PTPRA: variants seen among roughly 807,000 people sequenced by gnomAD.
The protein encoded by PTPRA is protein tyrosine phosphatase receptor type A.
A neutral mutation model predicts 104.8 loss-of-function variants in PTPRA; 25 were observed. The ratio of observed to expected loss-of-function variants is 0.24; its 90% CI spans 0.17 to 0.33. The LOEUF (loss-of-function observed/expected upper bound fraction) is 0.33. PTPRA is among the 10% of genes least tolerant of loss of function. PTPRA has a pLI of 1.00. For synonymous variants in PTPRA, 323 were observed against 368.9 expected (o/e 0.88, Z 1.43); for missense variants, 765 against 1,015.3 (o/e 0.75, Z 3.35).
chr20:2,888,069 C>T lies in PTPRA; in HGVS notation c.-129+14309C>T, dbSNP rs553063397. On this transcript the variant is annotated intron_variant, in intron 1 of 23. Transcript: ENST00000399903. The stretch of plus-strand genomic sequence containing the variant: ...AATGGTCCCTCAAAGCCCTCAAACA[C>T]GGATGAGAAATAGAAGAAGCTCAGG... 5.9e-5 allele frequency among the ~76,000 whole-genome samples: 9 copies of T among 152,278 alleles called. No individual in the cohort carries two copies. The South Asian group carries it at 6.2e-4, about 11-fold the overall frequency.
intron 3 of PTPRA, among the ~76,000 whole-genome samples, chr20:2,961,305 A>C (rs2061747021): frequency 1.3e-5 from 2 of 152,320 alleles, no homozygotes; most frequent in African/African-American, 4.8e-5. Context: ...GTATTGTCAA[A>C]TGTTTTGGAT....
intron 1 of PTPRA, among the ~76,000 whole-genome samples, chr20:2,874,541 A>G (rs979043781): frequency 1.3e-5 from 2 of 152,094 alleles, no homozygotes. Context: ...TGCTCAGGAG[A>G]GGGATTCCGG....
At chr20:2,866,447 C>T in the PTPRA span, 2 of 1,614,040 alleles carry the variant, frequency 1.2e-6, no homozygotes, top group African/African-American at 2.7e-5. Context: ...GCTCAGGCTG[C>T]AGATGTGGCC....
At chr20:2,872,012 A>G (rs865845539), upstream of PTPRA, among the ~76,000 whole-genome samples, 2 of 152,240 alleles carry the variant, frequency 1.3e-5, no homozygotes, top group South Asian at 4.1e-4. This position sits in a 1 kb window ranked among gnomAD's most constrained non-coding sequence, Gnocchi z 7.9. Context: ...TCTGGTTAGC[A>G]TGGACTAACT....
At chr20:2,930,251 A>G (rs748403224) in intron 2 of PTPRA, among the ~76,000 whole-genome samples, 13 of 152,332 alleles carry the variant, frequency 8.5e-5, no homozygotes, top group African/African-American at 1.9e-4. Flanking sequence ...ATGGATGGGA[A>G]GCATCGAGAC....
intron 12 of PTPRA, among the ~76,000 whole-genome samples, chr20:3,016,972 G>A (rs1158732454): frequency 6.6e-6 from 1 of 152,028 alleles, no homozygotes; most frequent in Admixed American, 6.6e-5. Flanking sequence ...TTGGGGTTAA[G>A]GTATTTATTA....
intron 1 of PTPRA, among the ~76,000 whole-genome samples, chr20:2,909,815 GATAAT>G (rs1369090852): frequency 2.9e-4 from 34 of 115,410 alleles, no homozygotes; most frequent in Non-Finnish European, 4.0e-4. Flanking sequence ...TATAATATAA[GATAAT>G]ATATATTAGA....
chr20:2,983,568 C>CAAAAAAA (rs58694839), intron 6 of PTPRA, among the ~76,000 whole-genome samples: 1 of 93,416 alleles, frequency 1.1e-5, no homozygotes, highest in Non-Finnish European at 2.2e-5. Context: ...AAAAAAAATG[C>CAAAAAAA]AAAAAAAAAA....
chr20:3,032,902 T>C (rs1351073959), intron 20 of PTPRA, among the ~76,000 whole-genome samples: 7 of 150,112 alleles, frequency 4.7e-5, no homozygotes, highest in South Asian at 2.1e-4. Flanking sequence ...AGGTCATTTC[T>C]CTTTTCTGAT....
At chr20:2,976,854 C>T (rs2062453405) in intron 6 of PTPRA, among the ~76,000 whole-genome samples, 1 of 152,142 alleles carries the variant, frequency 6.6e-6, no homozygotes, top group African/African-American at 2.4e-5. Flanking sequence ...ATGCACTGGT[C>T]TTTGGGGTGC....
At position 3,038,140 on chromosome 20, in the gene PTPRA, A is replaced by C; in HGVS notation, c.*7A>C. On this transcript the variant is annotated 3_prime_UTR_variant, in exon 24 of 24. Transcript: ENST00000399903. ...TTATGCCAACTTCAAGTAAGCGGCAACAAGGGTCCGTGGACCAGGAGGATT... is the reference window on the plus strand; with the variant it reads ...TTATGCCAACTTCAAGTAAGCGGCACCAAGGGTCCGTGGACCAGGAGGATT... 6.2e-7 allele frequency: 1 copy of C among 1,603,416 alleles called. No individual in the cohort carries two copies. Among genetic ancestry groups the C allele is most frequent in the Non-Finnish European group, 8.5e-7 (1 of 1,170,244 alleles).
At chr20:3,027,022 C>A in intron 18 of PTPRA, 99 bp from the exon 19 acceptor site, 1 of 1,304,866 alleles carries the variant, frequency 7.7e-7, no homozygotes, top group Non-Finnish European at 1.1e-6. Context: ...CCTTGCCCAG[C>A]TGGGATTCTG....
chr20:2,897,989 TG>T lies in PTPRA; in HGVS notation c.-129+24230del, dbSNP rs1453835316. On this transcript the variant is annotated intron_variant, in intron 1 of 23. Transcript: ENST00000399903. ...GTGCAATGGCGTGCTCTTTGTTCAC[TG>T]CAACCTCCACCTCCCAGGTTCAAGC... 1.7e-4 allele frequency among the ~76,000 whole-genome samples: 25 copies of T among 149,872 alleles called. 1 individual carries two copies. Among genetic ancestry groups the T allele is most frequent in the African/African-American group, 6.1e-4 (25 of 40,724 alleles).
intron 9 of PTPRA, among the ~76,000 whole-genome samples, chr20:2,990,631 T>G (rs2063128927): frequency 6.6e-6 from 1 of 152,094 alleles, no homozygotes; most frequent in African/African-American, 2.4e-5. Flanking sequence ...ACTTGGGAGA[T>G]GAGGTGGGAG....
rs1420247342 is a variant in PTPRA at position 3,035,621 on chromosome 20, G to A, written c.1957G>A (p.Val653Met). 2 of 1,613,476 alleles carry A rather than the reference G, an allele frequency of 1.2e-6. No homozygotes were observed. Among genetic ancestry groups the A allele is most frequent in the African/African-American group, 1.3e-5 (1 of 75,028 alleles). Residue 653 changes from valine to methionine, a missense_variant, in exon 21 of 24, where the codon GTG becomes ATG. Physicochemically the swap from Val to Met is conservative, Grantham distance 21 (BLOSUM62 1). Coordinates refer to ENST00000399903, the MANE Select transcript of PTPRA (RefSeq NM_001385305.1). This position sits in a 1 kb window ranked among gnomAD's most constrained non-coding sequence, Gnocchi z 5.8. ...CAQYWPSDGL[V>M]SYGDITVELK... ...CCAGTACTGGCCATCTGATGGACTG[G>A]TGTCCTATGGAGATATTACAGTGGA...
intron 2 of PTPRA, among the ~76,000 whole-genome samples, chr20:2,928,610 T>C (rs1241511928): frequency 6.6e-6 from 1 of 152,166 alleles, no homozygotes; most frequent in East Asian, 1.9e-4. Context: ...TTCTATATAG[T>C]CTGGAATTCC....
chr20:2,969,018 G>A (rs767917119), intron 5 of PTPRA, among the ~76,000 whole-genome samples: 1 of 152,100 alleles, frequency 6.6e-6, no homozygotes, highest in Non-Finnish European at 1.5e-5. Context: ...GACCAGCCTA[G>A]CCGACATGGC....
chr20:2,868,087 C>T, the PTPRA span, among the ~76,000 whole-genome samples: 5 of 152,216 alleles, frequency 3.3e-5, no homozygotes, highest in South Asian at 2.1e-4. Context: ...TGGTGAGTGA[C>T]GCTGGTTCTT....
intron 6 of PTPRA, among the ~76,000 whole-genome samples, chr20:2,978,915 G>A (rs557791776): frequency 1.1e-3 from 161 of 152,188 alleles, no homozygotes; most frequent in Non-Finnish European, 9.3e-4. Context: ...CCTGAGCGTA[G>A]GAAGCTGGAC....
Sources: allele counts gnomAD v4.1 joint callset (sites outside exome capture counted in the v4.1 genomes callset), GRCh38; gene constraint gnomAD v4.1.1; non-coding constraint Gnocchi (gnomAD v3.1); transcripts MANE v1.5; gene names NCBI Gene and HGNC (gene_info 2026-07-23, HGNC 2026-07-21).